Variants in NOL4L observed in about 807,000 individuals in gnomAD.
The protein encoded by NOL4L is nucleolar protein 4-like.
Under a neutral mutation model 64.5 loss-of-function variants are expected in NOL4L, and 7 were observed. The observed-to-expected ratio is 0.11, with a 90% CI of 0.06 to 0.20. The LOEUF is 0.20. Ranked by LOEUF, NOL4L falls within the 10% of genes least tolerant of loss-of-function variation. NOL4L has a pLI of 1.00. For missense variants in NOL4L, 680 were observed against 967.1 expected, an observed-to-expected ratio of 0.70 and a Z score of 3.94; for synonymous variants, 413 against 401.0, an observed-to-expected ratio of 1.03 and a Z score of -0.36.
At position 32,484,368 on chromosome 20, in the gene NOL4L, C is replaced by T. The variant is rs142567792; in HGVS notation, c.700-9626G>A. ...GCTTGATCAAGTTCAAGCTCGAGCT[C>T]CTCGGCGCGCTGCCCACCGGCTGCC... On this transcript the variant is annotated intron_variant, in intron 4 of 10. Transcript: ENST00000621426. Among the ~76,000 whole-genome samples, 1,448 of 151,876 alleles carry T rather than the reference C, an allele frequency of 9.5e-3. 12 individuals carry two copies. Among genetic ancestry groups the T allele is most frequent in the Non-Finnish European group, 0.014 (949 of 67,846 alleles).
chr20:32,508,683 G>T (rs2017241125), intron 4 of NOL4L, among the ~76,000 whole-genome samples: 2 of 152,164 alleles, frequency 1.3e-5, no homozygotes, highest in Non-Finnish European at 2.9e-5. Context: ...ACTGTAAGCA[G>T]AGGCCACCTC....
intron 3 of NOL4L, among the ~76,000 whole-genome samples, chr20:32,515,347 A>C (rs2017604226): frequency 6.6e-6 from 1 of 152,198 alleles, no homozygotes; most frequent in South Asian, 2.1e-4. Flanking sequence ...TTGCAGTTCC[A>C]GAATGAGAGT....
At chr20:32,536,550 G>A (rs1315873662) in intron 1 of NOL4L, among the ~76,000 whole-genome samples, 6 of 147,140 alleles carry the variant, frequency 4.1e-5, no homozygotes, top group African/African-American at 1.2e-4. Flanking sequence ...CCGGCGGGGA[G>A]GGGCGGGAAG....
chr20:32,445,441 C>T lies in NOL4L; in HGVS notation c.*2155G>A, dbSNP rs2012287151. 6.6e-6 allele frequency: 1 copy of T among 151,928 alleles called. No homozygotes were observed. The highest frequency in any genetic ancestry group is 1.9e-4 in the East Asian group (1 of 5,188). The allele number at this position is 151,928 out of a possible 1,614,324, so 9.4% of individuals were successfully genotyped here. ...ACTGATACCAGGAATTCTAGGGTGG[C>T]GATTGTCTCTGCCAGGTTTTAACAT... On this transcript the variant is annotated 3_prime_UTR_variant, in exon 11 of 11. Transcript: ENST00000621426.
At chr20:32,482,716 G>A (rs908223018) in intron 4 of NOL4L, among the ~76,000 whole-genome samples, 2 of 151,258 alleles carry the variant, frequency 1.3e-5, no homozygotes, top group South Asian at 4.2e-4. Context: ...GTCCCCTCCC[G>A]GGAGGGACCC....
intron 2 of NOL4L, among the ~76,000 whole-genome samples, chr20:32,526,347 C>A (rs767178652): frequency 6.6e-6 from 1 of 152,122 alleles, no homozygotes; most frequent in Non-Finnish European, 1.5e-5. Context: ...GCACACAGAC[C>A]GAGAAGCAGG....
chr20:32,565,281 C>T (rs1056042291), intron 1 of NOL4L, among the ~76,000 whole-genome samples: 5 of 151,538 alleles, frequency 3.3e-5, no homozygotes, highest in African/African-American at 7.3e-5. Flanking sequence ...TTCCTCTTCT[C>T]GCCGAGACCT....
intron 4 of NOL4L, among the ~76,000 whole-genome samples, chr20:32,488,679 G>C (rs547572605): frequency 1.3e-5 from 2 of 152,244 alleles, no homozygotes; most frequent in East Asian, 1.9e-4. Flanking sequence ...AATGTAAGTA[G>C]ATGTTTCTGT....
intron 4 of NOL4L, among the ~76,000 whole-genome samples, chr20:32,480,099 C>G (rs559822926): frequency 6.6e-6 from 1 of 152,222 alleles, no homozygotes; most frequent in East Asian, 1.9e-4. Context: ...TATCAGTAAC[C>G]TGATTATTTT....
At chr20:32,513,111 T>C (rs183833162) in intron 3 of NOL4L, among the ~76,000 whole-genome samples, 17 of 152,310 alleles carry the variant, frequency 1.1e-4, no homozygotes, top group Admixed American at 1.1e-3. Flanking sequence ...CCCTGGTACA[T>C]AGTCCCACTG....
In NOL4L at chr20:32,469,085, A is replaced by ACAGGGTCAGGCTGGGCACACAG. The variant is rs1022161079; in HGVS notation, c.841+5494_841+5515dup. On this transcript the variant is annotated intron_variant, in intron 5 of 10. Transcript: ENST00000621426. ...CAGCGACATGTATAGCTCTGGGCTC[A>ACAGGGTCAGGCTGGGCACACAG]CAGGGTCAGGCTGGGCACACAGCAG... Among the ~76,000 whole-genome samples the ACAGGGTCAGGCTGGGCACACAG allele has an allele frequency of 5.9e-5, 9 of 152,088 alleles. No homozygotes were observed. In the East Asian group the frequency reaches 9.7e-4, roughly 16 times the overall value.
intron 1 of NOL4L, among the ~76,000 whole-genome samples, chr20:32,553,012 G>A (rs1301456946): frequency 6.6e-6 from 1 of 152,130 alleles, no homozygotes; most frequent in Non-Finnish European, 1.5e-5. Flanking sequence ...GAGAGCATAG[G>A]AGATCCCCTG....
chr20:32,474,618 A>G lies in NOL4L; in HGVS notation c.824T>C (p.Leu275Pro). ...QDERMRSPQN[L>P]HSQEDDDSSS... is the part of the protein sequence containing the mutation. ...GCACTCACCGTCCTCTTGACTGTGGAGGTTCTGCGGGCTCCGCATCCTCTC... is the reference window on the plus strand; with the variant it reads ...GCACTCACCGTCCTCTTGACTGTGGGGGTTCTGCGGGCTCCGCATCCTCTC... Residue 275 changes from leucine (L) to proline (P), a missense_variant, in exon 5 of 11, where the codon CTC becomes CCC. Leu to Pro is a moderately conservative substitution (Grantham distance 98). This residue lies in a region of NOL4L where 254 missense variants were observed against 238.7 expected (regional missense o/e 1.06). Coordinates refer to ENST00000621426, the MANE Select transcript of NOL4L (RefSeq NM_001256798.2). 6.2e-7 allele frequency: 1 copy of G among 1,612,732 alleles called. No individual in the cohort carries two copies. The highest frequency in any genetic ancestry group is 8.5e-7 in the Non-Finnish European group (1 of 1,179,552).
chr20:32,461,981 G>A (rs996906770), intron 5 of NOL4L, among the ~76,000 whole-genome samples: 46 of 152,048 alleles, frequency 3.0e-4, no homozygotes, highest in African/African-American at 9.9e-4. Flanking sequence ...TGGGCTCGCC[G>A]GGGTGAGTGC....
chr20:32,525,392 G>T (rs1389612119), intron 2 of NOL4L, among the ~76,000 whole-genome samples: 1 of 152,232 alleles, frequency 6.6e-6, no homozygotes, highest in African/African-American at 2.4e-5. Context: ...ATGTGTGGTG[G>T]TCAGGGCACA....
At chr20:32,551,360 C>T (rs2018799016) in intron 1 of NOL4L, among the ~76,000 whole-genome samples, 1 of 148,816 alleles carries the variant, frequency 6.7e-6, no homozygotes, top group African/African-American at 2.5e-5. Context: ...TGGACGACAG[C>T]GTGAGACTCG....
chr20:32,541,048 C>CACACACACACACA (rs1555806421), intron 1 of NOL4L, among the ~76,000 whole-genome samples: 1 of 150,454 alleles, frequency 6.6e-6, no homozygotes, highest in South Asian at 2.1e-4. Context: ...CACACACACA[C>CACACACACACACA]TATTCCCTCT....
rs765736024 is a variant in NOL4L at position 32,456,304 on chromosome 20, G to T, written c.933C>A (p.Pro311=). ...CCACGGCGCCGTTGCCATTCATCTC[G>T]GGGAAGGCAGGGTCGCCCTGCGTGC... is the stretch of plus-strand genomic sequence containing the variant. ...SSSTQGDPAF[P]EMNGNGAVAP... is the part of the protein sequence containing the mutation. Residue 311 remains proline, a synonymous_variant, in exon 6 of 11, where the codon CCC becomes CCA. Transcript: ENST00000621426. 6.3e-7 allele frequency: 1 copy of T among 1,579,242 alleles called. No individual in the cohort carries two copies.
At chr20:32,499,024 C>G (rs902820481) in intron 4 of NOL4L, among the ~76,000 whole-genome samples, 1 of 152,004 alleles carries the variant, frequency 6.6e-6, no homozygotes, top group Non-Finnish European at 1.5e-5. Context: ...GGATTACAGG[C>G]TCCTGCCACC....
Sources: gnomAD v4.1 joint callset for allele counts (sites outside exome capture counted in the v4.1 genomes callset) on GRCh38, gnomAD v4.1.1 for gene constraint, gnomAD v4.1.1 regional missense constraint, MANE v1.5 for transcripts, NCBI Gene and HGNC (gene_info 2026-07-23, HGNC 2026-07-21) for gene names.